Variants in MACROD2 observed in about 807,000 individuals in gnomAD.
MACROD2 encodes mono-ADP ribosylhydrolase 2.
A neutral mutation model predicts 70.4 loss-of-function variants in MACROD2; 36 were observed. That is an observed-to-expected ratio of 0.51 (90% confidence interval 0.39 to 0.68). MACROD2 has a LOEUF of 0.68. Among genes scored for constraint, MACROD2 ranks in the 30% least tolerant of loss-of-function variants. MACROD2 has a pLI of 0.00. For missense variants in MACROD2, 496 were observed against 538.4 expected, an observed-to-expected ratio of 0.92 and a Z score of 0.78; for synonymous variants, 172 against 178.8, an observed-to-expected ratio of 0.96 and a Z score of 0.30.
chr20:15,807,255 A>G (rs1486986312), intron 8 of MACROD2, among the ~76,000 whole-genome samples: 1 of 152,208 alleles, frequency 6.6e-6, no homozygotes, highest in Admixed American at 6.5e-5. Flanking sequence ...AGGCAGGTGG[A>G]TGAAGTTGGC....
intron 5 of MACROD2, among the ~76,000 whole-genome samples, chr20:14,946,360 C>T (rs2074432097): frequency 6.6e-6 from 1 of 151,662 alleles, no homozygotes; most frequent in African/African-American, 2.4e-5. Flanking sequence ...TATCTAAATA[C>T]CAATAATATA....
intron 5 of MACROD2, among the ~76,000 whole-genome samples, chr20:14,927,090 A>C (rs1378099844): frequency 1.3e-5 from 2 of 152,096 alleles, no homozygotes; most frequent in African/African-American, 4.8e-5. Flanking sequence ...TTTCAGTATA[A>C]TCTTGCCTTC....
intron 13 of MACROD2, among the ~76,000 whole-genome samples, chr20:15,975,946 T>A (rs1440274978): frequency 1.3e-5 from 2 of 152,208 alleles, no homozygotes; most frequent in Non-Finnish European, 2.9e-5. Flanking sequence ...ATCTGGGATA[T>A]TTTTAGAAAT....
intron 3 of MACROD2, among the ~76,000 whole-genome samples, chr20:14,176,391 C>T (rs996792309): frequency 3.9e-5 from 6 of 152,126 alleles, no homozygotes; most frequent in Non-Finnish European, 7.4e-5. Context: ...AAGGTGGTGA[C>T]CTCTCATGAT....
chr20:14,381,902 G>A (rs867835318), intron 3 of MACROD2, among the ~76,000 whole-genome samples: 1 of 152,124 alleles, frequency 6.6e-6, no homozygotes, highest in African/African-American at 2.4e-5. Flanking sequence ...AGACAGATAA[G>A]AGAGACACTT....
At chr20:15,632,248 G>A (rs2049302465) in intron 8 of MACROD2, among the ~76,000 whole-genome samples, 1 of 151,968 alleles carries the variant, frequency 6.6e-6, no homozygotes, top group Admixed American at 6.6e-5. Context: ...TCTGAAGACA[G>A]TCTTTTAAAG....
chr20:14,283,392 T>C (rs534045337), intron 3 of MACROD2, among the ~76,000 whole-genome samples: 73 of 152,244 alleles, frequency 4.8e-4, no homozygotes, highest in African/African-American at 1.7e-3. Context: ...TTTTTTTCAA[T>C]ATGGTATAAA....
intron 5 of MACROD2, among the ~76,000 whole-genome samples, chr20:14,954,813 T>A (rs1179909302): frequency 2.8e-4 from 6 of 21,402 alleles, no homozygotes; most frequent in Non-Finnish European, 6.0e-4. Flanking sequence ...AAATTTTATA[T>A]AATATAAATT....
chr20:15,206,289 T>C (rs1462535953), intron 5 of MACROD2, among the ~76,000 whole-genome samples: 1 of 152,178 alleles, frequency 6.6e-6, no homozygotes, highest in Non-Finnish European at 1.5e-5. Context: ...TACATCTGAA[T>C]AGAGAAATAA....
rs542523431 is a variant in MACROD2, at chr20:15,731,925, T to A, written c.646-130820T>A. Among the ~76,000 whole-genome samples, 2 of 58,136 alleles carry A rather than the reference T, an allele frequency of 3.4e-5. 1 individual carries two copies. The highest frequency in any genetic ancestry group is 5.5e-4 in the East Asian group (2 of 3,628). The allele number at this position is 58,136 out of a possible 152,430, so 38.1% of individuals were successfully genotyped here. A position where few individuals can be genotyped will look rare whatever the true frequency, so the allele number is the denominator to read the frequency against. On this transcript the variant is annotated intron_variant, in intron 8 of 17. Coordinates refer to ENST00000684519, the MANE Select transcript of MACROD2 (RefSeq NM_001351661.2). ...CATCCACCACAATGCCTGGCTATTT[T>A]TTGTATTTTTAGTAGAGACGGGGTT...
chr20:14,319,925 A>G (rs2082644199), intron 3 of MACROD2, among the ~76,000 whole-genome samples: 1 of 151,996 alleles, frequency 6.6e-6, no homozygotes, highest in Non-Finnish European at 1.5e-5. Context: ...CACCTCTTAG[A>G]TGTGGTTTCC....
intron 8 of MACROD2, among the ~76,000 whole-genome samples, chr20:15,617,800 C>T (rs1469856986): frequency 2.6e-5 from 4 of 152,108 alleles, no homozygotes; most frequent in African/African-American, 9.7e-5. Flanking sequence ...GTCTTCTGTG[C>T]TGGTTGTGTT....
intron 8 of MACROD2, among the ~76,000 whole-genome samples, chr20:15,678,634 T>A (rs992356863): frequency 6.6e-6 from 1 of 152,018 alleles, no homozygotes; most frequent in African/African-American, 2.4e-5. Flanking sequence ...AAAAAATAAA[T>A]AAATAAAATG....
chr20:14,316,728 TCTA>T (rs2082614530), intron 3 of MACROD2, among the ~76,000 whole-genome samples: 1 of 152,182 alleles, frequency 6.6e-6, no homozygotes, highest in Non-Finnish European at 1.5e-5. Context: ...GAATTCTTGT[TCTA>T]CTACTTACTA....
chr20:14,684,068 A>T (rs2070968542), intron 4 of MACROD2, among the ~76,000 whole-genome samples: 1 of 152,176 alleles, frequency 6.6e-6, no homozygotes, highest in South Asian at 2.1e-4. Flanking sequence ...CCAGATGTAA[A>T]GCTAGAGAGC....
intron 4 of MACROD2, among the ~76,000 whole-genome samples, chr20:14,526,268 T>C (rs1306414344): frequency 6.6e-6 from 1 of 152,172 alleles, no homozygotes; most frequent in Non-Finnish European, 1.5e-5. Context: ...ATTCTTTTTT[T>C]TATTTTTCAA....
intron 5 of MACROD2, among the ~76,000 whole-genome samples, chr20:14,962,098 C>G (rs1568899462): frequency 6.6e-6 from 1 of 152,170 alleles, no homozygotes. Flanking sequence ...CCACGTTGGC[C>G]TCCCGAGTAG....
intron 3 of MACROD2, among the ~76,000 whole-genome samples, chr20:14,319,355 CT>C (rs2082639312): frequency 1.3e-5 from 2 of 152,272 alleles, no homozygotes; most frequent in Non-Finnish European, 2.9e-5. Context: ...TCTCAACTTT[CT>C]TTTCTCCTAT....
intron 4 of MACROD2, among the ~76,000 whole-genome samples, chr20:14,617,440 G>A (rs1983547760): frequency 6.6e-6 from 1 of 152,022 alleles, no homozygotes; most frequent in South Asian, 2.1e-4. Flanking sequence ...TGCTCTCTCA[G>A]TGGTGAATAT....
Sources: gnomAD v4.1 joint callset for allele counts (sites outside exome capture counted in the v4.1 genomes callset) on GRCh38, gnomAD v4.1.1 for gene constraint, MANE v1.5 for transcripts, NCBI Gene and HGNC (gene_info 2026-07-23, HGNC 2026-07-21) for gene names.